The following PTPRN2 variants were observed in gnomAD, a reference collection of about 807,000 sequenced individuals.
The protein encoded by PTPRN2 is protein tyrosine phosphatase receptor type N2, also known as receptor-type tyrosine-protein phosphatase N2.
In PTPRN2, 74 loss-of-function variants were observed where a neutral mutation model predicts 118.8. That is an observed-to-expected ratio of 0.62 (90% confidence interval 0.52 to 0.76). The LOEUF (loss-of-function observed/expected upper bound fraction) is 0.76. Ranked by LOEUF, PTPRN2 falls within the 30% of genes least tolerant of loss-of-function variation. PTPRN2 has a pLI of 0.00. For synonymous variants in PTPRN2, 641 were observed against 608.0 expected (o/e 1.05, Z -0.80); for missense variants, 1,481 against 1,394.4 (o/e 1.06, Z -0.99).
chr7:158,393,863 A>G (rs1442625177), intron 2 of PTPRN2, among the ~76,000 whole-genome samples: 1 of 151,748 alleles, frequency 6.6e-6, no homozygotes, highest in Admixed American at 6.6e-5. Flanking sequence ...ATCACCTTCC[A>G]TCACCTCCCT....
At chr7:158,217,414 C>T (rs1436846967) in intron 3 of PTPRN2, among the ~76,000 whole-genome samples, 1 of 152,188 alleles carries the variant, frequency 6.6e-6, no homozygotes, top group East Asian at 1.9e-4. Context: ...TACACAACAG[C>T]AAAACTCTTA....
chr7:157,798,651 T>G (rs917336346), intron 12 of PTPRN2, among the ~76,000 whole-genome samples: 3 of 152,228 alleles, frequency 2.0e-5, no homozygotes, highest in Non-Finnish European at 2.9e-5. Context: ...TTCATCTTAA[T>G]AATTCTCCTG....
At chr7:157,938,272 G>A (rs1004455669) in intron 11 of PTPRN2, among the ~76,000 whole-genome samples, 7 of 152,252 alleles carry the variant, frequency 4.6e-5, no homozygotes, top group Non-Finnish European at 1.5e-5. Flanking sequence ...CTGAACTGCA[G>A]TGGAGATGCA....
At chr7:158,291,343 T>C (rs1177237120) in intron 3 of PTPRN2, among the ~76,000 whole-genome samples, 1 of 152,242 alleles carries the variant, frequency 6.6e-6, no homozygotes, top group Non-Finnish European at 1.5e-5. Context: ...CAAAGTCATA[T>C]GATACAGAAT....
At chr7:157,984,013 G>C (rs1803519577) in intron 11 of PTPRN2, among the ~76,000 whole-genome samples, 1 of 152,124 alleles carries the variant, frequency 6.6e-6, no homozygotes, top group South Asian at 2.1e-4. Context: ...ACTCGCAGGG[G>C]GCCCGTGAGA....
chr7:158,412,148 C>T (rs1277297699), intron 2 of PTPRN2, among the ~76,000 whole-genome samples: 3 of 138,228 alleles, frequency 2.2e-5, no homozygotes, highest in Non-Finnish European at 4.7e-5. Flanking sequence ...CTCCTCAGCA[C>T]CAGGGCCCAT....
intron 12 of PTPRN2, among the ~76,000 whole-genome samples, chr7:157,697,417 A>G (rs1237153982): frequency 1.4e-4 from 13 of 90,466 alleles, no homozygotes; most frequent in South Asian, 4.9e-4. Context: ...TGCATACTGG[A>G]TCTTAGTAGA....
chr7:158,279,071 A>G (rs2150992714), intron 3 of PTPRN2, among the ~76,000 whole-genome samples: 1 of 152,278 alleles, frequency 6.6e-6, no homozygotes, highest in Non-Finnish European at 1.5e-5. Flanking sequence ...AACAGCAAAA[A>G]AACAAACCCT....
chr7:158,200,915 A>G (rs1211202121), intron 4 of PTPRN2, among the ~76,000 whole-genome samples: 2 of 152,256 alleles, frequency 1.3e-5, no homozygotes, highest in African/African-American at 4.8e-5. Context: ...TATTTATGTG[A>G]TTTCATTATT....
chr7:157,732,797 T>TTC (rs749331523), intron 12 of PTPRN2, among the ~76,000 whole-genome samples: 116 of 11,894 alleles, frequency 9.8e-3, no homozygotes, highest in African/African-American at 0.016. Flanking sequence ...CAGTTACTCT[T>TTC]CCGTCCCACG....
chr7:157,908,121 G>A (rs564351454), intron 11 of PTPRN2, among the ~76,000 whole-genome samples: 2 of 152,328 alleles, frequency 1.3e-5, no homozygotes, highest in East Asian at 1.9e-4. Context: ...GCGTCTCCGC[G>A]TGGCCAGGTG....
chr7:157,639,032 CTTCT>C (rs1414204945), intron 14 of PTPRN2, among the ~76,000 whole-genome samples: 8 of 151,818 alleles, frequency 5.3e-5, no homozygotes, highest in African/African-American at 9.7e-5. Context: ...TCTTTCTTTC[CTTCT>C]TTCTTTCTTT....
At chr7:158,225,019 C>T (rs968885835) in intron 3 of PTPRN2, among the ~76,000 whole-genome samples, 1 of 152,044 alleles carries the variant, frequency 6.6e-6, no homozygotes, top group African/African-American at 2.4e-5. Flanking sequence ...AATGAGATGC[C>T]ACCACACACC....
chr7:158,583,892 A>AC (rs967172456), intron 1 of PTPRN2, among the ~76,000 whole-genome samples: 3 of 152,184 alleles, frequency 2.0e-5, no homozygotes, highest in African/African-American at 7.2e-5. Flanking sequence ...GAGGCTCTGG[A>AC]CCCCAAGAAG....
intron 11 of PTPRN2, among the ~76,000 whole-genome samples, chr7:157,949,037 A>AG (rs1255115161): frequency 6.6e-6 from 1 of 152,166 alleles, no homozygotes. Context: ...TACACATTGC[A>AG]GGGGGCGGGT....
At position 157,682,720 on chromosome 7, in the gene PTPRN2, C is replaced by G; in HGVS notation, c.2001+5G>C. On this transcript the variant is annotated splice_donor_5th_base_variant and intron_variant, in intron 13 of 22. Coordinates refer to ENST00000389418, the MANE Select transcript of PTPRN2 (RefSeq NM_002847.5). ...TATACCACTTTTTAAAAAGTCTCCTCTTACCTGGTAGGCGGCAGTGGCATC... is the reference window on the plus strand; with the variant it reads ...TATACCACTTTTTAAAAAGTCTCCTGTTACCTGGTAGGCGGCAGTGGCATC... 1 of 1,611,560 alleles carries G rather than the reference C, an allele frequency of 6.2e-7. No individual in the cohort carries two copies. The highest frequency in any genetic ancestry group is 8.5e-7 in the Non-Finnish European group (1 of 1,178,274).
intron 11 of PTPRN2, among the ~76,000 whole-genome samples, chr7:157,901,196 C>T (rs1054343181): frequency 6.6e-6 from 1 of 152,202 alleles, no homozygotes; most frequent in Non-Finnish European, 1.5e-5. Context: ...TCACCTCCAC[C>T]CTGGGAGGGC....
At chr7:157,895,373 G>A (rs957872079) in intron 12 of PTPRN2, among the ~76,000 whole-genome samples, 1 of 124,624 alleles carries the variant, frequency 8.0e-6, no homozygotes, top group African/African-American at 3.5e-5. Context: ...AAGCCAGAGG[G>A]TCTGAACGAG....
intron 12 of PTPRN2, among the ~76,000 whole-genome samples, chr7:157,811,671 C>T (rs2151118260): frequency 6.6e-6 from 1 of 152,252 alleles, no homozygotes; most frequent in East Asian, 1.9e-4. Context: ...CTGATGAGCA[C>T]TCGGCTTATG....
Sources: allele counts gnomAD v4.1 joint callset (sites outside exome capture counted in the v4.1 genomes callset), GRCh38; gene constraint gnomAD v4.1.1; transcripts MANE v1.5; gene names NCBI Gene and HGNC (gene_info 2026-07-23, HGNC 2026-07-21).